The following CHD4 variants were observed in gnomAD, a reference collection of about 807,000 sequenced individuals.
The protein encoded by CHD4 is ATP-dependent chromatin remodeler CHD4.
In CHD4, 35 loss-of-function variants were observed where a neutral mutation model predicts 235.5. The observed-to-expected ratio is 0.15, with a 90% CI of 0.11 to 0.20. The LOEUF (loss-of-function observed/expected upper bound fraction) is 0.20. Among genes scored for constraint, CHD4 ranks in the 10% least tolerant of loss-of-function variants. The pLI is 1.00. For missense variants in CHD4, 1,329 were observed against 2,432.3 expected, an observed-to-expected ratio of 0.55 and a Z score of 9.54; for synonymous variants, 900 against 850.2, an observed-to-expected ratio of 1.06 and a Z score of -1.02.
At position 6,599,920 on chromosome 12, in the gene CHD4, A is replaced by G. The variant is rs1290053450; in HGVS notation, c.1335T>C (p.Asp445=). ...CCCGACAGAATTCCATATGGTGGTC[A>G]TCCTCCTCTTCGAGGTCTCCCCCAA... The part of the protein sequence containing the change: ...EEVGGDLEEE[D]DHHMEFCRVC... Residue 445 remains aspartate (D), a synonymous_variant, in exon 10 of 40, where the codon GAT becomes GAC. Coordinates refer to ENST00000544040, the MANE Select transcript of CHD4 (RefSeq NM_001273.5). The G allele has an allele frequency of 1.2e-6, 2 of 1,614,020 alleles. No individual in the cohort carries two copies. Among genetic ancestry groups the G allele is most frequent in the Non-Finnish European group, 1.7e-6 (2 of 1,180,014 alleles).
At chr12:6,587,270 C>T in intron 25 of CHD4, 114 bp downstream of exon 25, 1 of 1,004,680 alleles carries the variant, frequency 1.0e-6, no homozygotes, top group South Asian at 1.6e-5. Context: ...ATCAATTCAT[C>T]AACATAAGAA....
chr12:6,582,608 A>G lies in CHD4; in HGVS notation c.4370+7T>C. ...TCTAGATCAGTCCACTCCAGCCCTC[A>G]ACTCACTTGAACTCTTTCTCTGATT... is the stretch of plus-strand genomic sequence containing the variant. On this transcript the variant is annotated splice_region_variant and intron_variant, in intron 29 of 39. Transcript: ENST00000544040. 1 of 1,607,208 alleles carries G rather than the reference A, an allele frequency of 6.2e-7. No individual in the cohort carries two copies. The highest frequency in any genetic ancestry group is 8.5e-7 in the Non-Finnish European group (1 of 1,176,264).
In CHD4 at chr12:6,604,049, G is replaced by A. The variant is rs183803644; in HGVS notation, c.101-1552C>T. Among the ~76,000 whole-genome samples the A allele has an allele frequency of 2.7e-3, 412 of 152,198 alleles. 3 individuals carry two copies. Among genetic ancestry groups the A allele is most frequent in the African/African-American group, 8.7e-3 (361 of 41,518 alleles). On this transcript the variant is annotated intron_variant, in intron 2 of 39. Coordinates refer to ENST00000544040, the MANE Select transcript of CHD4 (RefSeq NM_001273.5). ...TCGCAGCACTCTGGGAGGCTGAGGC[G>A]GGCAGATCATTTGAGGTCAGTTCGA...
chr12:6,573,535 A>C (rs1052660149), intron 37 of CHD4: 1 of 262,260 alleles, frequency 3.8e-6, no homozygotes, highest in African/African-American at 2.2e-5. Flanking sequence ...AGAAAATAGA[A>C]TATCAAAAAT....
chr12:6,602,753 C>T (rs1246090868), intron 2 of CHD4, among the ~76,000 whole-genome samples: 1 of 152,214 alleles, frequency 6.6e-6, no homozygotes, highest in Non-Finnish European at 1.5e-5. Flanking sequence ...TGCCTCCTCT[C>T]TCCCGTTCCT....
At chr12:6,596,799 CA>C (rs957810754) in intron 12 of CHD4, among the ~76,000 whole-genome samples, 18 of 137,494 alleles carry the variant, frequency 1.3e-4, no homozygotes, top group East Asian at 2.2e-4. Context: ...GACTCCATTT[CA>C]AAAAAAAAAA....
In CHD4 at chr12:6,570,532, C is replaced by G. The variant is rs577551370; in HGVS notation, c.*144G>C. On this transcript the variant is annotated 3_prime_UTR_variant, in exon 40 of 40. Coordinates refer to ENST00000544040, the MANE Select transcript of CHD4 (RefSeq NM_001273.5). ...CTGCCCCTCACTCCCTCCCCTCCCC[C>G]AGTGCACTGGGGCTGTTCCTTTACA... 49 of 947,366 alleles carry G rather than the reference C, an allele frequency of 5.2e-5. 1 individual carries two copies. The South Asian group carries it at 7.7e-4, about 15-fold the overall frequency. 58.7% of individuals were successfully genotyped at this position (947,366 alleles called of 1,614,324 possible). A position where few individuals can be genotyped will look rare whatever the true frequency, so the allele number is the denominator to read the frequency against.
In CHD4 at chr12:6,592,496, T is replaced by G; in HGVS notation, c.2845A>C (p.Met949Leu). ...CGCCGCAACATGTGCGGCCCCAGCA[T>G]GTCATGCAGTTTTTTTATCTGGTCC... ...KEDQIKKLHD[M>L]LGPHMLRRLK... The change falls in exon 19 of 40, where the codon ATG becomes CTG. Residue 949 changes from methionine to leucine, a missense_variant. Physicochemically the swap from Met to Leu is conservative, Grantham distance 15 (BLOSUM62 2). Coordinates refer to ENST00000544040, the MANE Select transcript of CHD4 (RefSeq NM_001273.5). 1 of 1,611,578 alleles carries G rather than the reference T, an allele frequency of 6.2e-7. No homozygotes were observed. Among genetic ancestry groups the G allele is most frequent in the Non-Finnish European group, 8.5e-7 (1 of 1,177,788 alleles).
chr12:6,602,359 T>C lies in CHD4; in HGVS notation c.222+17A>G. On this transcript the variant is annotated intron_variant, in intron 3 of 39. Transcript: ENST00000544040. ...CTTCTTCCTCTGATTCCCCGTAACA[T>C]TCAGTCACCCACTCACCTCCTTTTT... 2 of 1,612,544 alleles carry C rather than the reference T, an allele frequency of 1.2e-6. No individual in the cohort carries two copies. Among genetic ancestry groups the C allele is most frequent in the Admixed American group, 1.7e-5 (1 of 59,528 alleles).
In CHD4 at chr12:6,595,996, A is replaced by G; in HGVS notation, c.2024+10T>C. 3 of 1,604,216 alleles carry G rather than the reference A, an allele frequency of 1.9e-6. No homozygotes were observed. The highest frequency in any genetic ancestry group is 2.5e-6 in the Non-Finnish European group (3 of 1,177,022). On this transcript the variant is annotated intron_variant, in intron 13 of 39. Transcript: ENST00000544040. ...AGAAACAACTCTATGCCTCACCCAA[A>G]ATCACTCACCTGTGATTCCAATAGC... is the stretch of plus-strand genomic sequence containing the variant.
chr12:6,575,399 G>A (rs950137471), intron 37 of CHD4, among the ~76,000 whole-genome samples: 1 of 144,444 alleles, frequency 6.9e-6, no homozygotes, highest in Non-Finnish European at 1.5e-5. Context: ...AGTGAGCCAG[G>A]AAATGTCGCC....
chr12:6,583,627 G>C (rs1948231279), intron 25 of CHD4: 1 of 438,816 alleles, frequency 2.3e-6, no homozygotes, highest in South Asian at 5.9e-5. Flanking sequence ...CACAGGTAAG[G>C]ATGAAGAGAC....
At position 6,591,902 on chromosome 12, in the gene CHD4, A is replaced by G. The variant is rs767595540; in HGVS notation, c.3090+14T>C. 2 of 1,614,188 alleles carry G rather than the reference A, an allele frequency of 1.2e-6. No homozygotes were observed. Among genetic ancestry groups the G allele is most frequent in the East Asian group, 4.5e-5 (2 of 44,892 alleles). On this transcript the variant is annotated intron_variant, in intron 20 of 39. Coordinates refer to ENST00000544040, the MANE Select transcript of CHD4 (RefSeq NM_001273.5). ...GACCCAACCCAGGGAGGAACAGGAG[A>G]TGGCACTACATACCATTGCAGCCAC... is the stretch of plus-strand genomic sequence containing the variant.
At chr12:6,571,126 C>T in intron 38 of CHD4, 94 bp from the exon 39 acceptor site, 2 of 1,400,536 alleles carry the variant, frequency 1.4e-6, no homozygotes, top group Non-Finnish European at 9.9e-7. Flanking sequence ...TCTCAGTGAC[C>T]AAGTAACTGT....
chr12:6,586,909 G>C lies in CHD4; in HGVS notation c.3879+475C>G, dbSNP rs955213274. On this transcript the variant is annotated intron_variant, in intron 25 of 39. Coordinates refer to ENST00000544040, the MANE Select transcript of CHD4 (RefSeq NM_001273.5). The stretch of plus-strand genomic sequence containing the variant: ...AACGGGGTTTCACCGTGTTGGCCGG[G>C]CTGGTCTCAAACTCCTGGCCTCAAG... 3.3e-4 allele frequency: 50 copies of C among 153,072 alleles called. 1 individual carries two copies. Among genetic ancestry groups the C allele is most frequent in the Admixed American group, 2.0e-3 (31 of 15,314 alleles). 9.5% of individuals were successfully genotyped at this position (153,072 alleles called of 1,614,324 possible).
intron 14 of CHD4, 70 bp downstream of exon 14, chr12:6,595,264 C>G (rs946175492): frequency 4.0e-5 from 51 of 1,278,662 alleles, no homozygotes; most frequent in Non-Finnish European, 5.5e-5. Context: ...CTTAAGAGTA[C>G]CATCATTAGA....
chr12:6,592,596 G>A (rs1948419555), intron 18 of CHD4, 30 bp from the exon 19 acceptor site: 1 of 1,582,606 alleles, frequency 6.3e-7, no homozygotes, highest in Non-Finnish European at 8.6e-7. Context: ...AAAAGTTATT[G>A]GAGAAGGAGA....
At chr12:6,577,738 C>CT in intron 37 of CHD4, 47 bp downstream of exon 37, 11 of 1,610,462 alleles carry the variant, frequency 6.8e-6, no homozygotes, top group Non-Finnish European at 9.3e-6. Context: ...ACGTTACGCA[C>CT]TTTCAAGTTT....
At chr12:6,575,881 C>G (rs1948062300) in intron 37 of CHD4, among the ~76,000 whole-genome samples, 1 of 152,192 alleles carries the variant, frequency 6.6e-6, no homozygotes, top group African/African-American at 2.4e-5. Context: ...TCCAGACATA[C>G]TAAGCTTTGC....
Sources: gnomAD v4.1 joint callset for allele counts (sites outside exome capture counted in the v4.1 genomes callset) on GRCh38, gnomAD v4.1.1 for gene constraint, MANE v1.5 for transcripts, NCBI Gene and HGNC (gene_info 2026-07-23, HGNC 2026-07-21) for gene names.